The following ESCO1 variants were observed in gnomAD, a reference collection of about 807,000 sequenced individuals.
ESCO1 encodes the protein establishment of sister chromatid cohesion N-acetyltransferase 1.
In ESCO1, 33 loss-of-function variants were observed where a neutral mutation model predicts 83.5. That is an observed-to-expected ratio of 0.40 (90% CI 0.30 to 0.53). The LOEUF (loss-of-function observed/expected upper bound fraction) is 0.53, where lower values mean the gene tolerates loss of function less well. ESCO1 is among the 20% of genes least tolerant of loss of function. The probability of loss-of-function intolerance (pLI) is 0.63; values close to 1 mark genes in which losing one functional copy is unlikely to be tolerated. For synonymous variants in ESCO1, 332 were observed against 324.3 expected (o/e 1.02, Z -0.25); for missense variants, 855 against 968.0 (o/e 0.88, Z 1.55).
At chr18:21,542,558 T>C (rs2037920220) in intron 8 of ESCO1, among the ~76,000 whole-genome samples, 2 of 152,222 alleles carry the variant, frequency 1.3e-5, no homozygotes, top group Admixed American at 1.3e-4. Context: ...TTAAGATGAC[T>C]GCTCAAAGAG....
chr18:21,540,677 C>T (rs1365799052), intron 8 of ESCO1: 3 of 1,308,222 alleles, frequency 2.3e-6, no homozygotes, highest in Non-Finnish European at 3.0e-6. Context: ...CAGATCCACA[C>T]TCGTGGTGAT....
In ESCO1 at chr18:21,575,685, A is replaced by C. The variant is rs187151721; in HGVS notation, c.-601T>G. The C allele has an allele frequency of 5.0e-5, 20 of 398,448 alleles. No individual in the cohort carries two copies. Among genetic ancestry groups the C allele is most frequent in the African/African-American group, 3.7e-4 (18 of 48,734 alleles). 24.7% of individuals were successfully genotyped at this position (398,448 alleles called of 1,614,324 possible). A position where few individuals can be genotyped will look rare whatever the true frequency, so the allele number is the denominator to read the frequency against. On this transcript the variant is annotated 5_prime_UTR_variant, in exon 3 of 12. Coordinates refer to ENST00000269214, the MANE Select transcript of ESCO1 (RefSeq NM_052911.3). Reference sequence around the variant, plus strand: ...AGGTTTACTTACAGTTTTTGCCCCAAAATATAGACTCGATGTCTCAGCCAC... The same window carrying C: ...AGGTTTACTTACAGTTTTTGCCCCACAATATAGACTCGATGTCTCAGCCAC...
At chr18:21,587,161 G>A (rs1306288849) in intron 1 of ESCO1, among the ~76,000 whole-genome samples, 1 of 152,152 alleles carries the variant, frequency 6.6e-6, no homozygotes, top group African/African-American at 2.4e-5. Context: ...GAGGATTTGT[G>A]TGGACATATT....
At chr18:21,556,675 T>C (rs2038116342) in intron 8 of ESCO1, among the ~76,000 whole-genome samples, 1 of 152,140 alleles carries the variant, frequency 6.6e-6, no homozygotes, top group Non-Finnish European at 1.5e-5. Context: ...AGCACAGCTC[T>C]GTAGCCAATC....
intron 1 of ESCO1, among the ~76,000 whole-genome samples, chr18:21,589,725 G>A (rs2038635577): frequency 6.6e-6 from 1 of 152,190 alleles, no homozygotes; most frequent in Non-Finnish European, 1.5e-5. Flanking sequence ...TTAGCTCGAA[G>A]ATGGCACAAA....
At chr18:21,546,389 C>A (rs2037974040) in intron 8 of ESCO1, among the ~76,000 whole-genome samples, 1 of 119,744 alleles carries the variant, frequency 8.4e-6, no homozygotes, top group Non-Finnish European at 2.1e-5. Flanking sequence ...CTGCCTCCAC[C>A]AAAAACAAAT....
Position 21,573,735 on chromosome 18 carries a change from T to C in ESCO1, c.1109A>G (p.Lys370Arg), listed in dbSNP as rs2038373978. 2 of 1,614,060 alleles carry C rather than the reference T, an allele frequency of 1.2e-6. No individual in the cohort carries two copies. Among genetic ancestry groups the C allele is most frequent in the African/African-American group, 2.7e-5 (2 of 74,948 alleles). Residue 370 changes from lysine to arginine, a missense_variant, in exon 4 of 12, where the codon AAA becomes AGA. Physicochemically the swap from Lys to Arg is conservative, Grantham distance 26. This residue lies in a region of ESCO1 where 726 missense variants were observed against 699.5 expected (regional missense o/e 1.04). Transcript: ENST00000269214. ...VQCNRFFPSR[K>R]TKPVKCILNG... is the part of the protein sequence containing the mutation. ...TAGTATACATTTCACAGGCTTTGTT[T>C]TTCTACTTGGGAAAAAACGATTACA...
intron 4 of ESCO1, among the ~76,000 whole-genome samples, chr18:21,571,059 T>A (rs990809003): frequency 6.6e-6 from 1 of 152,236 alleles, no homozygotes; most frequent in Non-Finnish European, 1.5e-5. Context: ...TAATTTTTTT[T>A]AAATGTTAAC....
chr18:21,573,523 T>C lies in ESCO1; in HGVS notation c.1321A>G (p.Thr441Ala), dbSNP rs2038369893. 1.9e-6 allele frequency: 3 copies of C among 1,613,800 alleles called. No individual in the cohort carries two copies. Among genetic ancestry groups the C allele is most frequent in the Non-Finnish European group, 2.5e-6 (3 of 1,179,974 alleles). ...HPVTQSTFLG[T>A]KLHDRNITCQ... ...GTTATATTTCTATCATGTAGCTTTG[T>C]CCCTAAAAACGTACTTTGAGTCACT... is the stretch of plus-strand genomic sequence containing the variant. Residue 441 changes from threonine (T) to alanine (A), a missense_variant, in exon 4 of 12, where the codon ACA becomes GCA. Transcript: ENST00000269214.
chr18:21,579,784 ACGCGCGCGCG>A (rs199944972), intron 2 of ESCO1, among the ~76,000 whole-genome samples: 20 of 60,102 alleles, frequency 3.3e-4, no homozygotes, highest in African/African-American at 8.4e-4. Flanking sequence ...ACACACACAC[ACGCGCGCGCG>A]CACACACACA....
chr18:21,580,768 T>C (rs980682910), intron 2 of ESCO1, among the ~76,000 whole-genome samples: 4 of 152,106 alleles, frequency 2.6e-5, no homozygotes, highest in Non-Finnish European at 4.4e-5. Flanking sequence ...GGCAGGCGGA[T>C]CTCCTGAGGT....
intron 1 of ESCO1, among the ~76,000 whole-genome samples, chr18:21,590,913 C>G (rs758585830): frequency 5.9e-5 from 9 of 151,756 alleles, no homozygotes; most frequent in Non-Finnish European, 1.2e-4. Context: ...TTACTGCACT[C>G]CAGCCTCACG....
At chr18:21,545,548 G>A (rs1396481075) in intron 8 of ESCO1, among the ~76,000 whole-genome samples, 5 of 151,056 alleles carry the variant, frequency 3.3e-5, no homozygotes, top group South Asian at 2.1e-4. Flanking sequence ...ACTCCAGCCC[G>A]GTTAACAGAG....
chr18:21,600,187 G>C (rs1378762654), intron 1 of ESCO1, among the ~76,000 whole-genome samples: 1 of 152,240 alleles, frequency 6.6e-6, no homozygotes, highest in Non-Finnish European at 1.5e-5. Context: ...GCCGGGAAGA[G>C]AAAACGCAGG....
At chr18:21,554,822 C>T (rs1384492320) in intron 8 of ESCO1, among the ~76,000 whole-genome samples, 2 of 151,972 alleles carry the variant, frequency 1.3e-5, no homozygotes, top group Non-Finnish European at 1.5e-5. Context: ...GGCAGAGAAT[C>T]GCTTGAACCC....
At chr18:21,532,446 T>C in intron 11 of ESCO1, 27 bp downstream of exon 11, 1 of 1,588,478 alleles carries the variant, frequency 6.3e-7, no homozygotes. Context: ...CTACTAAAAA[T>C]GATTTGAAGG....
intron 4 of ESCO1, among the ~76,000 whole-genome samples, chr18:21,572,698 C>T (rs1369099862): frequency 2.6e-5 from 4 of 152,160 alleles, no homozygotes; most frequent in Non-Finnish European, 5.9e-5. Context: ...GGTGCAGTGG[C>T]TCACGCCTGT....
At chr18:21,547,390 T>C (rs1215242626) in intron 8 of ESCO1, among the ~76,000 whole-genome samples, 1 of 151,876 alleles carries the variant, frequency 6.6e-6, no homozygotes, top group African/African-American at 2.4e-5. Context: ...AAGAGTTAAT[T>C]TGCTAGGGTC....
chr18:21,546,573 G>T (rs1264869441), intron 8 of ESCO1, among the ~76,000 whole-genome samples: 1 of 152,126 alleles, frequency 6.6e-6, no homozygotes, highest in Non-Finnish European at 1.5e-5. Context: ...TTGAGACAGG[G>T]TCTCACTCTG....
Sources: gnomAD v4.1 joint callset for allele counts (sites outside exome capture counted in the v4.1 genomes callset) on GRCh38, gnomAD v4.1.1 for gene constraint, gnomAD v4.1.1 regional missense constraint, MANE v1.5 for transcripts, NCBI Gene and HGNC (gene_info 2026-07-23, HGNC 2026-07-21) for gene names.